UBXN6: variants seen among roughly 807,000 people sequenced by gnomAD.
The protein encoded by UBXN6 is UBX domain protein 6.
In UBXN6, 44 loss-of-function variants were observed where a neutral mutation model predicts 51.4. The observed-to-expected ratio is 0.86, with a 90% CI of 0.67 to 1.10. The LOEUF is 1.10. UBXN6 is among the 50% of genes least tolerant of loss of function. UBXN6 has a pLI of 0.00. For missense variants in UBXN6, 672 were observed against 596.1 expected (o/e 1.13, Z -1.32); for synonymous variants, 316 against 263.2 (o/e 1.20, Z -1.94).
intron 4 of UBXN6, among the ~76,000 whole-genome samples, chr19:4,451,794 T>C (rs1974658122): frequency 6.6e-6 from 1 of 151,016 alleles, no homozygotes; most frequent in Non-Finnish European, 1.5e-5. Flanking sequence ...TGTGCCACCA[T>C]GCCTGGCTAA....
chr19:4,452,470 C>A lies in UBXN6; in HGVS notation c.335G>T (p.Gly112Val). Residue 112 changes from glycine (G) to valine (V), a missense_variant, in exon 4 of 11, where the codon GGC becomes GTC. Gly to Val is a moderately radical substitution (Grantham distance 109). Transcript: ENST00000301281. ...TNVVSEPREE[G>V]SAHLAVPGVY... ...GCCAGGCACAGCCAGGTGGGCAGAG[C>A]CTTCCTCTCTGGGCTCAGATACCTG... is the stretch of plus-strand genomic sequence containing the variant. 6.2e-7 allele frequency: 1 copy of A among 1,611,520 alleles called. No homozygotes were observed.
At chr19:4,445,726 C>T in intron 10 of UBXN6, 103 bp from the exon 11 acceptor site, 1 of 1,526,566 alleles carries the variant, frequency 6.6e-7, no homozygotes, top group Non-Finnish European at 8.8e-7. Context: ...GGCCTGGAAG[C>T]CATCTCAGCT....
chr19:4,456,360 C>T (rs1165465400), intron 1 of UBXN6, among the ~76,000 whole-genome samples: 2 of 151,510 alleles, frequency 1.3e-5, no homozygotes, highest in Admixed American at 6.6e-5. Flanking sequence ...GCCCCTACCT[C>T]CATCACCACC....
chr19:4,454,485 C>T (rs978787317), intron 1 of UBXN6, among the ~76,000 whole-genome samples: 3 of 152,156 alleles, frequency 2.0e-5, no homozygotes, highest in African/African-American at 4.8e-5. Context: ...TATAGTGGCA[C>T]GATCATGGCT....
In UBXN6 at chr19:4,453,453, C is replaced by A. The variant is rs373535033; in HGVS notation, c.312+5G>T. ...TGGGACAGTGCCACCAGTGGCTGTT[C>A]TTACCACGTTGGTCCCTGGGGCCTC... On this transcript the variant is annotated splice_donor_5th_base_variant and intron_variant, in intron 3 of 10. Coordinates refer to ENST00000301281, the MANE Select transcript of UBXN6 (RefSeq NM_025241.3). 2.2e-5 allele frequency: 36 copies of A among 1,612,770 alleles called. No individual in the cohort carries two copies. Among genetic ancestry groups the A allele is most frequent in the Non-Finnish European group, 3.1e-5 (36 of 1,179,626 alleles).
At chr19:4,456,401 C>T (rs1974740004) in intron 1 of UBXN6, among the ~76,000 whole-genome samples, 2 of 151,518 alleles carry the variant, frequency 1.3e-5, no homozygotes, top group South Asian at 4.2e-4. Flanking sequence ...ACCCCCACTT[C>T]CTGCCACCTC....
rs1428233971 is a variant in UBXN6 at position 4,447,340 on chromosome 19, A to AG, written c.615+209_615+210insC. The AG allele has an allele frequency of 2.0e-5, 12 of 596,330 alleles. No individual in the cohort carries two copies. In the East Asian group the frequency reaches 2.5e-4, roughly 13 times the overall value. 36.9% of individuals were successfully genotyped at this position (596,330 alleles called of 1,614,324 possible). On this transcript the variant is annotated intron_variant, in intron 6 of 10. Coordinates refer to ENST00000301281, the MANE Select transcript of UBXN6 (RefSeq NM_025241.3). ...AAAGGATGCAGGTGAGGAGAGGCAG[A>AG]ATTTGTTGATTTGGGGTGACCGGTG...
intron 1 of UBXN6, 146 bp from the exon 2 acceptor site, chr19:4,454,239 CA>C: frequency 1.2e-6 from 1 of 865,514 alleles, no homozygotes; most frequent in Middle Eastern, 3.3e-4. Flanking sequence ...ACCTGGTTCC[CA>C]GGGGCCACCT....
intron 10 of UBXN6, 160 bp from the exon 11 acceptor site, chr19:4,445,783 G>A (rs974054035): frequency 8.1e-7 from 1 of 1,231,698 alleles, no homozygotes; most frequent in Non-Finnish European, 1.1e-6. Context: ...TCTCCCTCCG[G>A]GACTCCAGGA....
chr19:4,446,549 C>G lies in UBXN6; in HGVS notation c.871G>C (p.Asp291His), dbSNP rs907885134. Residue 291 changes from aspartate to histidine, a missense_variant, in exon 8 of 11, where the codon GAC becomes CAC. Physicochemically the swap from Asp to His is moderately conservative, Grantham distance 81. Coordinates refer to ENST00000301281, the MANE Select transcript of UBXN6 (RefSeq NM_025241.3). ...PLASQFELPG[D>H]FFNLTAEEIK... ...TCCTCTGCTGTGAGGTTGAAGAAGTCCCCAGGCAGTTCGAACTGCGAGGCC... is the reference window on the plus strand; with the variant it reads ...TCCTCTGCTGTGAGGTTGAAGAAGTGCCCAGGCAGTTCGAACTGCGAGGCC... 1.9e-5 allele frequency: 30 copies of G among 1,612,310 alleles called. No homozygotes were observed. The highest frequency in any genetic ancestry group is 2.5e-5 in the Non-Finnish European group (30 of 1,179,890).
intron 2 of UBXN6, 122 bp from the exon 3 acceptor site, chr19:4,453,644 TGCTGGAGGTCAG>T (rs1568193023): frequency 8.0e-6 from 10 of 1,251,136 alleles, no homozygotes; most frequent in South Asian, 1.3e-5. Context: ...AGCCTGCTTC[TGCTGGAGGTCAG>T]GCTGGAGGTC....
intron 5 of UBXN6, 155 bp downstream of exon 5, chr19:4,448,163 A>G: frequency 1.5e-6 from 1 of 662,792 alleles, no homozygotes; most frequent in Non-Finnish European, 2.6e-6. Flanking sequence ...CCTTTGCCTG[A>G]GGCCTCTGGG....
chr19:4,445,883 C>T (rs950488492), intron 10 of UBXN6, 166 bp downstream of exon 10: 10 of 1,205,620 alleles, frequency 8.3e-6, no homozygotes, highest in African/African-American at 4.6e-5. Flanking sequence ...TGAACTTGCT[C>T]GAGGCCCTGC....
At chr19:4,447,397 T>G in intron 6 of UBXN6, 153 bp downstream of exon 6, 2 of 757,908 alleles carry the variant, frequency 2.6e-6, no homozygotes, top group Non-Finnish European at 4.4e-6. Flanking sequence ...CTTGTCCTGC[T>G]ACCTTCTACT....
intron 4 of UBXN6, among the ~76,000 whole-genome samples, chr19:4,451,956 C>T (rs1201712521): frequency 1.3e-5 from 2 of 151,726 alleles, no homozygotes; most frequent in Non-Finnish European, 2.9e-5. Context: ...CGAGACCAGC[C>T]TGGCCAACAT....
At chr19:4,455,353 A>G in intron 1 of UBXN6, 1 of 951,380 alleles carries the variant, frequency 1.1e-6, no homozygotes, top group Non-Finnish European at 1.3e-6. Context: ...ACCCCTGCCT[A>G]TCTAGTCCTC....
intron 5 of UBXN6, 29 bp downstream of exon 5, chr19:4,448,289 C>A: frequency 6.4e-7 from 1 of 1,572,214 alleles, no homozygotes. Flanking sequence ...CTGGAGGGGC[C>A]AGGCAGGGCA....
At chr19:4,453,589 C>T in intron 2 of UBXN6, 67 bp from the exon 3 acceptor site, 2 of 1,570,094 alleles carry the variant, frequency 1.3e-6, no homozygotes, top group Non-Finnish European at 1.7e-6. Context: ...CTGGCCCAAG[C>T]CCCCTCATTC....
chr19:4,448,792 G>A (rs1049406564), intron 4 of UBXN6: 23 of 247,090 alleles, frequency 9.3e-5, no homozygotes, highest in Admixed American at 5.0e-5. Context: ...CACCATGGAC[G>A]CCCCATCCCT....
Sources: allele counts gnomAD v4.1 joint callset (sites outside exome capture counted in the v4.1 genomes callset), GRCh38; gene constraint gnomAD v4.1.1; transcripts MANE v1.5; gene names NCBI Gene and HGNC (gene_info 2026-07-23, HGNC 2026-07-21).